The following CLIC4 variants were observed in gnomAD, a reference collection of about 807,000 sequenced individuals.
The protein encoded by CLIC4 is CLIC family member 4, also known as chloride intracellular channel protein 4.
In CLIC4, 13 loss-of-function variants were observed where a neutral mutation model predicts 24.6. That is an observed-to-expected ratio of 0.53 (90% confidence interval 0.34 to 0.84). CLIC4 has a LOEUF of 0.84. Among genes scored for constraint, CLIC4 ranks in the 40% least tolerant of loss-of-function variants. CLIC4 has a pLI of 0.01. For missense variants in CLIC4, 227 were observed against 301.7 expected (o/e 0.75, Z 1.83); for synonymous variants, 104 against 111.3 (o/e 0.93, Z 0.41).
chr1:24,755,996 A>ATTT (rs972121749), intron 1 of CLIC4, among the ~76,000 whole-genome samples: 8 of 63,378 alleles, frequency 1.3e-4, no homozygotes, highest in Non-Finnish European at 2.0e-4. Flanking sequence ...TAATTTTTTG[A>ATTT]TTTTTTTTTT....
intron 1 of CLIC4, among the ~76,000 whole-genome samples, chr1:24,753,647 T>C (rs1638806835): frequency 6.6e-6 from 1 of 152,228 alleles, no homozygotes; most frequent in Non-Finnish European, 1.5e-5. Flanking sequence ...GGAGACAAGT[T>C]ATTTAAAAGT....
At chr1:24,837,922 T>G (rs1245565099) in intron 4 of CLIC4, among the ~76,000 whole-genome samples, 2 of 152,180 alleles carry the variant, frequency 1.3e-5, no homozygotes, top group African/African-American at 4.8e-5. Context: ...CTGCTTCTCC[T>G]TTACTCCATG....
intron 1 of CLIC4, among the ~76,000 whole-genome samples, chr1:24,757,186 C>T (rs997956556): frequency 1.3e-5 from 2 of 152,038 alleles, no homozygotes; most frequent in Non-Finnish European, 2.9e-5. Context: ...TGAGCCACCA[C>T]GCCTGGCCTA....
chr1:24,805,100 A>AAC (rs1553192964), intron 2 of CLIC4, among the ~76,000 whole-genome samples: 30 of 144,674 alleles, frequency 2.1e-4, no homozygotes, highest in African/African-American at 3.5e-4. Context: ...AAAAAAAAAA[A>AAC]AAAAACACAA....
chr1:24,774,684 G>T (rs1639110521), intron 1 of CLIC4, among the ~76,000 whole-genome samples: 1 of 152,064 alleles, frequency 6.6e-6, no homozygotes, highest in Non-Finnish European at 1.5e-5. Flanking sequence ...CCAGCTACTT[G>T]CGAGGCTGAG....
At chr1:24,788,827 A>G (rs1018529542) in intron 1 of CLIC4, among the ~76,000 whole-genome samples, 3 of 152,364 alleles carry the variant, frequency 2.0e-5, no homozygotes, top group African/African-American at 7.2e-5. Flanking sequence ...CTGAGAAGAA[A>G]AACTCCAACC....
rs138725111 is a variant in CLIC4, at chr1:24,774,014, C to G, written c.73-23728C>G. 2.3e-4 allele frequency among the ~76,000 whole-genome samples: 35 copies of G among 152,048 alleles called. 2 individuals are homozygous for G. The East Asian group carries it at 6.8e-3, about 29-fold the overall frequency. ...TATAAATGGAGTCTCCCTCTGTGGC[C>G]CTGGCTGGAGTGCAGTGGTGCGATC... is the stretch of plus-strand genomic sequence containing the variant. On this transcript the variant is annotated intron_variant, in intron 1 of 5. Transcript: ENST00000374379.
intron 1 of CLIC4, among the ~76,000 whole-genome samples, chr1:24,784,210 A>G (rs1205342622): frequency 6.6e-6 from 1 of 152,150 alleles, no homozygotes; most frequent in East Asian, 1.9e-4. Context: ...GTACACAACA[A>G]ACAACTCCCC....
intron 1 of CLIC4, among the ~76,000 whole-genome samples, chr1:24,772,635 G>A (rs116444649): frequency 0.022 from 3,411 of 152,098 alleles, 70 homozygotes; most frequent in Non-Finnish European, 0.036. Flanking sequence ...ACAGGTGCCC[G>A]CCACCGTGTC....
At chr1:24,813,829 C>T (rs1401088409) in intron 2 of CLIC4, among the ~76,000 whole-genome samples, 1 of 152,090 alleles carries the variant, frequency 6.6e-6, no homozygotes, top group Non-Finnish European at 1.5e-5. Context: ...AGTGATCCTT[C>T]CACCTCAGCC....
chr1:24,759,334 A>C (rs1638891115), intron 1 of CLIC4, among the ~76,000 whole-genome samples: 1 of 152,276 alleles, frequency 6.6e-6, no homozygotes, highest in Admixed American at 6.5e-5. Flanking sequence ...AGTGCTGGAG[A>C]GGTAAAGGAG....
At chr1:24,830,389 TG>T (rs1487489034) in intron 4 of CLIC4, among the ~76,000 whole-genome samples, 1 of 152,160 alleles carries the variant, frequency 6.6e-6, no homozygotes, top group Non-Finnish European at 1.5e-5. Context: ...AATTCTGCTT[TG>T]TATTTTATAA....
chr1:24,782,979 CAAAA>C (rs1374486214), intron 1 of CLIC4, among the ~76,000 whole-genome samples: 2 of 151,196 alleles, frequency 1.3e-5, no homozygotes, highest in Non-Finnish European at 2.9e-5. Context: ...GACCCTGTCT[CAAAA>C]AAAACCCAAC....
chr1:24,838,634 G>C (rs1437246719), intron 4 of CLIC4, among the ~76,000 whole-genome samples: 3 of 152,124 alleles, frequency 2.0e-5, no homozygotes, highest in Non-Finnish European at 4.4e-5. Context: ...TTTATGGCCA[G>C]TTACCACAAT....
chr1:24,827,198 T>C, intron 4 of CLIC4, 82 bp downstream of exon 4: 2 of 839,952 alleles, frequency 2.4e-6, no homozygotes, highest in South Asian at 3.2e-5. Context: ...TGATTATAAA[T>C]GAGTACTTTA....
chr1:24,819,439 CTTTT>C (rs764888181), intron 3 of CLIC4, among the ~76,000 whole-genome samples: 1 of 143,708 alleles, frequency 7.0e-6, no homozygotes, highest in Non-Finnish European at 1.5e-5. Flanking sequence ...GTGGAAATAA[CTTTT>C]TTTTTTTTTT....
intron 2 of CLIC4, among the ~76,000 whole-genome samples, chr1:24,798,177 A>C (rs187293921): frequency 6.6e-6 from 1 of 152,318 alleles, no homozygotes; most frequent in East Asian, 1.9e-4. Flanking sequence ...GAGCTTTCTA[A>C]GCAGACATCA....
At chr1:24,812,765 C>G (rs192745285) in intron 2 of CLIC4, among the ~76,000 whole-genome samples, 2 of 152,230 alleles carry the variant, frequency 1.3e-5, no homozygotes, top group African/African-American at 4.8e-5. Flanking sequence ...TGTCACCAGG[C>G]TGGAGTGCAG....
rs1290981572 is a variant in CLIC4, at chr1:24,776,656, T to A, written c.73-21086T>A. Among the ~76,000 whole-genome samples the A allele has an allele frequency of 5.9e-5, 9 of 152,256 alleles. No individual in the cohort carries two copies. In the East Asian group the frequency reaches 1.7e-3, roughly 29 times the overall value. On this transcript the variant is annotated intron_variant, in intron 1 of 5. Coordinates refer to ENST00000374379, the MANE Select transcript of CLIC4 (RefSeq NM_013943.3). ...TTCCTTGACTTTTGAAAATGCTGAG[T>A]TTGGCCAGGTGTCATGGCTCATGCC... is the stretch of plus-strand genomic sequence containing the variant.
Sources: gnomAD v4.1 joint callset for allele counts (sites outside exome capture counted in the v4.1 genomes callset) on GRCh38, gnomAD v4.1.1 for gene constraint, MANE v1.5 for transcripts, NCBI Gene and HGNC (gene_info 2026-07-23, HGNC 2026-07-21) for gene names.